SLC25A48: variants seen among roughly 807,000 people sequenced by gnomAD.
SLC25A48 encodes the protein solute carrier family 25 member 48.
SLC25A48 carries 29 observed loss-of-function variants against 32.2 expected under a neutral mutation model. The ratio of observed to expected loss-of-function variants is 0.90; its 90% CI spans 0.67 to 1.23. The LOEUF (loss-of-function observed/expected upper bound fraction) is 1.23, where lower values mean the gene tolerates loss of function less well. SLC25A48 is among the 50% of genes most tolerant of loss of function. SLC25A48 has a pLI of 0.00. For missense variants in SLC25A48, 399 were observed against 422.7 expected (o/e 0.94, Z 0.49); for synonymous variants, 164 against 172.3 (o/e 0.95, Z 0.38).
intron 3 of SLC25A48, among the ~76,000 whole-genome samples, chr5:135,685,120 G>C (rs1340116727): frequency 6.6e-6 from 1 of 152,080 alleles, no homozygotes; most frequent in Non-Finnish European, 1.5e-5. Context: ...ATGGTATCTT[G>C]TGGTAGTTTC....
At chr5:135,808,977 C>T (rs1421026301) in intron 3 of SLC25A48, among the ~76,000 whole-genome samples, 1 of 152,068 alleles carries the variant, frequency 6.6e-6, no homozygotes, top group African/African-American at 2.4e-5. Context: ...TCCCACCAGC[C>T]AAAGAGGGAG....
At position 135,839,129 on chromosome 5, in the gene SLC25A48, T is replaced by G. The variant is rs4447978; in HGVS notation, c.47-3287T>G. ...TTCCTTTCTCCCTCAGTTTCTTCCC[T>G]GATGGTGACCTCTCAGAGCACTTTC... is the stretch of plus-strand genomic sequence containing the variant. On this transcript the variant is annotated intron_variant, in intron 1 of 7. Coordinates refer to ENST00000681962, the MANE Select transcript of SLC25A48 (RefSeq NM_001349336.2). Among the ~76,000 whole-genome samples the G allele has an allele frequency of 2.5e-3, 387 of 152,254 alleles. 1 individual carries two copies. Among genetic ancestry groups the G allele is most frequent in the African/African-American group, 8.9e-3 (369 of 41,560 alleles).
intron 3 of SLC25A48, chr5:135,649,628 G>T (rs1053411275): frequency 6.6e-6 from 1 of 152,554 alleles, no homozygotes; most frequent in Non-Finnish European, 1.5e-5. Context: ...TGTACAAAGG[G>T]TGGAGGGAAA....
intron 1 of SLC25A48, among the ~76,000 whole-genome samples, chr5:135,589,244 G>A (rs1751449780): frequency 6.6e-6 from 1 of 152,252 alleles, no homozygotes; most frequent in Admixed American, 6.5e-5. Context: ...CCAGCTAAAT[G>A]ATTTTAAATT....
rs566043413 is a variant in SLC25A48, at chr5:135,763,302, C to G, written c.-520-49221C>G. The stretch of plus-strand genomic sequence containing the variant: ...AAGGGCCTGGCATACAAGGTGGTAG[C>G]AGCAGCAATGGCATCTGTTAGGTTT... On this transcript the variant is annotated intron_variant, in intron 3 of 10. Transcript: ENST00000646290. Among the ~76,000 whole-genome samples the G allele has an allele frequency of 2.0e-5, 3 of 152,212 alleles. No individual in the cohort carries two copies. The South Asian group carries it at 6.2e-4, about 32-fold the overall frequency.
rs75941769 is a variant in SLC25A48 at position 135,711,918 on chromosome 5, C to G, written c.-521+76962C>G. 7.1e-3 allele frequency among the ~76,000 whole-genome samples: 1,072 copies of G among 151,908 alleles called. 11 individuals carry two copies. Among genetic ancestry groups the G allele is most frequent in the African/African-American group, 0.024 (1,004 of 41,410 alleles). ...CTTCTGTACCCACCCCTTCACTGGC[C>G]CCCCTGCCTCTAGTGTCCCCCTCCC... On this transcript the variant is annotated intron_variant, in intron 3 of 10. Coordinates refer to the SLC25A48 transcript ENST00000646290.
At chr5:135,763,548 G>A (rs1179294875) in intron 3 of SLC25A48, among the ~76,000 whole-genome samples, 2 of 151,894 alleles carry the variant, frequency 1.3e-5, no homozygotes, top group African/African-American at 4.8e-5. Context: ...GGAGGAGGAG[G>A]GGAAGAAAGA....
chr5:135,862,959 T>C (rs956851730), intron 4 of SLC25A48, among the ~76,000 whole-genome samples: 2 of 152,036 alleles, frequency 1.3e-5, no homozygotes, highest in South Asian at 2.1e-4. Flanking sequence ...CAGAGTGGTG[T>C]TGGAGAAGAG....
At chr5:135,859,143 C>T (rs1476901190) in intron 4 of SLC25A48, among the ~76,000 whole-genome samples, 3 of 152,156 alleles carry the variant, frequency 2.0e-5, no homozygotes, top group African/African-American at 7.2e-5. Flanking sequence ...TATATTAGTC[C>T]AATCTCTTGC....
intron 3 of SLC25A48, among the ~76,000 whole-genome samples, chr5:135,727,046 A>G (rs1476198056): frequency 6.6e-6 from 1 of 152,124 alleles, no homozygotes; most frequent in African/African-American, 2.4e-5. Flanking sequence ...CATTTCCCCA[A>G]TGGCTAAAGA....
At chr5:135,776,138 C>T (rs897422171) in intron 3 of SLC25A48, among the ~76,000 whole-genome samples, 3 of 151,726 alleles carry the variant, frequency 2.0e-5, no homozygotes, top group African/African-American at 7.3e-5. Context: ...CATGATACTA[C>T]TACCAATATC....
chr5:135,646,362 G>A (rs1752958494), intron 3 of SLC25A48, among the ~76,000 whole-genome samples: 1 of 152,020 alleles, frequency 6.6e-6, no homozygotes, highest in South Asian at 2.1e-4. Flanking sequence ...CATTTAGCAA[G>A]TTGATCCAAT....
At chr5:135,642,433 G>A (rs976252820) in intron 3 of SLC25A48, among the ~76,000 whole-genome samples, 4 of 152,230 alleles carry the variant, frequency 2.6e-5, no homozygotes, top group Admixed American at 6.5e-5. Flanking sequence ...CCCCTGCCTG[G>A]TGGGCAGGAC....
At position 135,650,207 on chromosome 5, in the gene SLC25A48, C is replaced by T. The variant is rs114622546; in HGVS notation, c.-521+15251C>T. On this transcript the variant is annotated intron_variant, in intron 3 of 10. Transcript: ENST00000646290. ...GCCTTGTCCAACCTCATAGTCCTTGCTGAGGCCTGTATTCTCTGGCCTGTG... is the reference window on the plus strand; with the variant it reads ...GCCTTGTCCAACCTCATAGTCCTTGTTGAGGCCTGTATTCTCTGGCCTGTG... The T allele has an allele frequency of 2.3e-3, 665 of 286,258 alleles. 4 individuals carry two copies. Among genetic ancestry groups the T allele is most frequent in the African/African-American group, 0.014 (620 of 42,992 alleles). 17.7% of individuals were successfully genotyped at this position (286,258 alleles called of 1,614,324 possible).
At chr5:135,785,544 C>T (rs779207506) in intron 3 of SLC25A48, among the ~76,000 whole-genome samples, 19 of 139,962 alleles carry the variant, frequency 1.4e-4, no homozygotes, top group Non-Finnish European at 2.3e-4. Context: ...CCCCATGGAT[C>T]GTAATATCCA....
intron 1 of SLC25A48, among the ~76,000 whole-genome samples, chr5:135,624,680 G>C (rs1445005892): frequency 1.3e-5 from 2 of 152,150 alleles, no homozygotes; most frequent in African/African-American, 4.8e-5. Flanking sequence ...CCTTAAATTA[G>C]TCCAAACCCA....
At chr5:135,636,787 C>T (rs180713933) in intron 3 of SLC25A48, among the ~76,000 whole-genome samples, 268 of 152,316 alleles carry the variant, frequency 1.8e-3, no homozygotes, top group Middle Eastern at 0.017. Context: ...TTTCAACTTC[C>T]GTTACCTCGA....
At chr5:135,755,696 T>G (rs1379326756) in intron 3 of SLC25A48, among the ~76,000 whole-genome samples, 1 of 152,012 alleles carries the variant, frequency 6.6e-6, no homozygotes, top group Non-Finnish European at 1.5e-5. Flanking sequence ...TGCTGTGGTA[T>G]TTCTTATATC....
intron 4 of SLC25A48, among the ~76,000 whole-genome samples, chr5:135,820,062 T>G (rs1337109651): frequency 7.3e-6 from 1 of 136,902 alleles, no homozygotes; most frequent in Non-Finnish European, 1.7e-5. Context: ...ATCAAACTAC[T>G]CAAATCCTAG....
Sources: gnomAD v4.1 joint callset for allele counts (sites outside exome capture counted in the v4.1 genomes callset) on GRCh38, gnomAD v4.1.1 for gene constraint, MANE v1.5 for transcripts, NCBI Gene and HGNC (gene_info 2026-07-23, HGNC 2026-07-21) for gene names.